The following RTL1 variants were observed in gnomAD, a reference collection of about 807,000 sequenced individuals.
RTL1 encodes the protein retrotransposon-like protein 1.
For missense variants in RTL1, 1,681 were observed against 1,767.5 expected, an observed-to-expected ratio of 0.95 and a Z score of 0.88; for synonymous variants, 727 against 748.4, an observed-to-expected ratio of 0.97 and a Z score of 0.47.
intron 2 of RTL1, among the ~76,000 whole-genome samples, chr14:100,896,535 A>G (rs1268834208): frequency 4.0e-5 from 6 of 151,714 alleles, no homozygotes; most frequent in Non-Finnish European, 8.8e-5. Context: ...TGCCTGTTTG[A>G]GGATTCCAAG....
In RTL1 at chr14:100,883,026, G is replaced by A. The variant is rs1013425200; in HGVS notation, c.1763C>T (p.Ser588Phe). The change falls in exon 4 of 4, where the codon TCT becomes TTT. Residue 588 changes from serine to phenylalanine, a missense_variant. Transcript: ENST00000649591. This position sits in a 1 kb window ranked among gnomAD's most constrained non-coding sequence, Gnocchi z 5.9. Reference protein sequence around the residue: ...QPSSDGSDDLSESEPSELQQA... With the variant: ...QPSSDGSDDLFESEPSELQQA... Reference sequence around the variant, plus strand: ...CTGAAGCTCAGAGGGCTCTGATTCAGAAAGATCATCGGATCCGTCTGAGCT... The same window carrying A: ...CTGAAGCTCAGAGGGCTCTGATTCAAAAAGATCATCGGATCCGTCTGAGCT... The A allele has an allele frequency of 6.2e-7, 1 of 1,614,166 alleles. No individual in the cohort carries two copies. The highest frequency in any genetic ancestry group is 8.5e-7 in the Non-Finnish European group (1 of 1,180,032).
Position 100,884,287 on chromosome 14 carries a change from T to A in RTL1, c.502A>T (p.Arg168Trp). The change falls in exon 4 of 4, where the codon AGG becomes TGG. Residue 168 changes from arginine (R) to tryptophan (W), a missense_variant. Arg to Trp is a moderately radical substitution (Grantham distance 101). Coordinates refer to ENST00000649591, the MANE Select transcript of RTL1 (RefSeq NM_001134888.3). ...CGGAAGTACAGCGAGATGATGGACC[T>A]CACCATGGCCATAAGTTCTGCGGTT... Reference protein sequence around the residue: ...HSTAELMAMVRSIISLYFRMQ... With the variant: ...HSTAELMAMVWSIISLYFRMQ... 1 of 1,551,814 alleles carries A rather than the reference T, an allele frequency of 6.4e-7. No homozygotes were observed. The highest frequency in any genetic ancestry group is 8.7e-7 in the Non-Finnish European group (1 of 1,146,998).
chr14:100,901,070 C>G (rs79084266), intron 2 of RTL1, among the ~76,000 whole-genome samples: 14,476 of 152,268 alleles, frequency 0.095, 830 homozygotes, highest in East Asian at 0.13. Context: ...GCTGCCCCCC[C>G]ACGGCGGGTC....
rs760248086 is a variant in RTL1, at chr14:100,883,213, G to T, written c.1576C>A (p.His526Asn). 9.9e-5 allele frequency: 154 copies of T among 1,555,348 alleles called. No homozygotes were observed. Among genetic ancestry groups the T allele is most frequent in the Non-Finnish European group, 1.3e-4 (149 of 1,148,548 alleles). The change falls in exon 4 of 4, where the codon CAC becomes AAC. Residue 526 changes from histidine (H) to asparagine (N), a missense_variant. His to Asn is a moderately conservative substitution (Grantham distance 68, BLOSUM62 1). Transcript: ENST00000649591. This position sits in a 1 kb window ranked among gnomAD's most constrained non-coding sequence, Gnocchi z 5.9. ...CAGTTCTTCAGGCAGTAGGGAGAGT[G>T]GAAGGTGCAGCGGCCTTTGATCCAG... is the stretch of plus-strand genomic sequence containing the variant. Reference protein sequence around the residue: ...VDWIKGRCTFHSPYCLKNCFR... With the variant: ...VDWIKGRCTFNSPYCLKNCFR...
rs2038589009 is a variant in RTL1, at chr14:100,880,326, T to TG, written c.*385dup. Among the ~76,000 whole-genome samples the TG allele has an allele frequency of 6.6e-6, 1 of 151,620 alleles. No individual in the cohort carries two copies. Among genetic ancestry groups the TG allele is most frequent in the Admixed American group, 6.6e-5 (1 of 15,218 alleles). ...CCAGGGTGGCCATCACCAGGCCGGG[T>TG]GGGGGGCCCCGTCACCTGCTTGCTT... On this transcript the variant is annotated 3_prime_UTR_variant, in exon 4 of 4. Coordinates refer to ENST00000649591, the MANE Select transcript of RTL1 (RefSeq NM_001134888.3).
At position 100,883,516 on chromosome 14, in the gene RTL1, C is replaced by T. The variant is rs762736146; in HGVS notation, c.1273G>A (p.Val425Ile). 2 of 1,551,476 alleles carry T rather than the reference C, an allele frequency of 1.3e-6. No homozygotes were observed. Among genetic ancestry groups the T allele is most frequent in the Middle Eastern group, 1.7e-4 (1 of 5,992 alleles). ...VRVNPYHSVA[V>I]QALVDSGADG... ...GCTCCCGAATCCACCAGGGCCTGGA[C>T]CGCGACGCTGTGGTAGGGGTTCACT... The change falls in exon 4 of 4, where the codon GTC (valine) becomes ATC (isoleucine). Residue 425 changes from valine (V) to isoleucine (I), a missense_variant. Val to Ile is a conservative substitution (Grantham distance 29). Coordinates refer to ENST00000649591, the MANE Select transcript of RTL1 (RefSeq NM_001134888.3). This position sits in a 1 kb window ranked among gnomAD's most constrained non-coding sequence, Gnocchi z 5.9.
intron 2 of RTL1, among the ~76,000 whole-genome samples, chr14:100,896,745 G>A (rs560993444): frequency 5.5e-4 from 84 of 152,134 alleles, no homozygotes; most frequent in Non-Finnish European, 9.0e-4. Flanking sequence ...GGTTAGAGTC[G>A]GGAAGAAACA....
intron 1 of RTL1, among the ~76,000 whole-genome samples, 55 bp from the exon 2 acceptor site, chr14:100,903,441 G>C (rs148998070): frequency 6.6e-6 from 1 of 152,168 alleles, no homozygotes; most frequent in Non-Finnish European, 1.5e-5. Context: ...TGATCAAGAG[G>C]GGGTGCAGGC....
chr14:100,881,149 G>T lies in RTL1; in HGVS notation c.3640C>A (p.Leu1214Met), dbSNP rs35695758. ...AGCTCCAGGTAGCGGTTCTGACGCA[G>T]GGCAGGGAGGTGGCCCTCCTGGGGG... The part of the protein sequence containing the change: ...VTPQEGHLPA[L>M]RQNRYLELHV... The change falls in exon 4 of 4, where the codon CTG (leucine) becomes ATG (methionine). Residue 1214 changes from leucine to methionine, a missense_variant. By Grantham distance (15) the Leu-to-Met change is conservative (BLOSUM62 2). Coordinates refer to ENST00000649591, the MANE Select transcript of RTL1 (RefSeq NM_001134888.3). The surrounding 1 kb of genome is among the most constrained non-coding windows in gnomAD (Gnocchi z 6.6). 6.5e-7 allele frequency: 1 copy of T among 1,549,524 alleles called. No homozygotes were observed.
Position 100,882,850 on chromosome 14 carries a change from T to C in RTL1, c.1939A>G (p.Ile647Val). ...TCAAACAGTTCCGGAATCATCTGTA[T>C]GTAGTCCTGTCTGTTGGTCAGCATG... ...QDMLTNRQDY[I>V]QMIPELFDQL... The change falls in exon 4 of 4, where the codon ATA becomes GTA. Residue 647 changes from isoleucine to valine, a missense_variant. Coordinates refer to ENST00000649591, the MANE Select transcript of RTL1 (RefSeq NM_001134888.3). 1 of 1,556,636 alleles carries C rather than the reference T, an allele frequency of 6.4e-7. No homozygotes were observed. The highest frequency in any genetic ancestry group is 8.7e-7 in the Non-Finnish European group (1 of 1,148,812).
rs1488428605 is a variant in RTL1, at chr14:100,882,153, G to T, written c.2636C>A (p.Thr879Asn). 17 of 1,550,894 alleles carry T rather than the reference G, an allele frequency of 1.1e-5. No homozygotes were observed. In the East Asian group the frequency reaches 3.9e-4, roughly 36 times the overall value. ...GTGCAGGGCCGTGCCGGTGACGCCG[G>T]TTTCCAAGTAGAATGGGTTCTGGGG... ...PKPQNPFYLE[T>N]GVTGTALHAS... Residue 879 changes from threonine to asparagine, a missense_variant, in exon 4 of 4, where the codon ACC becomes AAC. Physicochemically the swap from Thr to Asn is moderately conservative, Grantham distance 65. Coordinates refer to ENST00000649591, the MANE Select transcript of RTL1 (RefSeq NM_001134888.3).
At chr14:100,886,614 T>C (rs1160519035) in intron 3 of RTL1, among the ~76,000 whole-genome samples, 1 of 152,174 alleles carries the variant, frequency 6.6e-6, no homozygotes, top group Non-Finnish European at 1.5e-5. Flanking sequence ...ATGATGTACA[T>C]AGCACATTGC....
chr14:100,893,976 G>A lies in RTL1; in HGVS notation c.-148-471C>T, dbSNP rs1446022808. 6.6e-6 allele frequency among the ~76,000 whole-genome samples: 1 copy of A among 152,186 alleles called. No individual in the cohort carries two copies. The highest frequency in any genetic ancestry group is 1.5e-5 in the Non-Finnish European group (1 of 68,050). On this transcript the variant is annotated intron_variant, in intron 2 of 3. Transcript: ENST00000649591. The surrounding 1 kb of genome is among the most constrained non-coding windows in gnomAD (Gnocchi z 4.2). The stretch of plus-strand genomic sequence containing the variant: ...AGTTCCTGGAAGCCTCCTGCCCTTG[G>A]TGGACAACCATTTTGCTCTCTAGCA...
intron 2 of RTL1, chr14:100,898,002 A>G (rs1349229013): frequency 3.9e-6 from 2 of 511,920 alleles, no homozygotes; most frequent in Admixed American, 3.9e-5. Flanking sequence ...CCATTAGAAG[A>G]CAATAGGTCT....
chr14:100,903,347 A>G lies in RTL1; in HGVS notation c.-205T>C, dbSNP rs2038968592. On this transcript the variant is annotated 5_prime_UTR_variant, in exon 2 of 4. Coordinates refer to ENST00000649591, the MANE Select transcript of RTL1 (RefSeq NM_001134888.3). ...GGGGATGAAGTGATGCCGGTGGCTT[A>G]GTGATGCCGGTGGCTTCCTGTCCTC... Among the ~76,000 whole-genome samples the G allele has an allele frequency of 1.3e-5, 2 of 152,038 alleles. No homozygotes were observed. Among genetic ancestry groups the G allele is most frequent in the East Asian group, 1.9e-4 (1 of 5,160 alleles).
intron 3 of RTL1, among the ~76,000 whole-genome samples, chr14:100,891,543 G>T (rs1050591945): frequency 1.3e-5 from 2 of 152,214 alleles, no homozygotes; most frequent in Non-Finnish European, 2.9e-5. Flanking sequence ...GCCCAGCAGC[G>T]CTCCTGCTGC....
At chr14:100,891,282 TCTCGGA>T (rs1338343506) in intron 3 of RTL1, among the ~76,000 whole-genome samples, 4 of 152,188 alleles carry the variant, frequency 2.6e-5, no homozygotes, top group Non-Finnish European at 4.4e-5. Context: ...GGCAGCCCAG[TCTCGGA>T]CATTCCCTCT....
chr14:100,882,366 G>A lies in RTL1; in HGVS notation c.2423C>T (p.Ser808Phe). 6.4e-7 allele frequency: 1 copy of A among 1,551,724 alleles called. No homozygotes were observed. Among genetic ancestry groups the A allele is most frequent in the Non-Finnish European group, 8.7e-7 (1 of 1,146,972 alleles). The change falls in exon 4 of 4, where the codon TCT becomes TTT. Residue 808 changes from serine to phenylalanine, a missense_variant. Physicochemically the swap from Ser to Phe is radical, Grantham distance 155. Coordinates refer to ENST00000649591, the MANE Select transcript of RTL1 (RefSeq NM_001134888.3). ...GACGAATTCGATGAAGTTTCGCAGA[G>A]ATAGCTTGGAGCCAGGGGTAGGGTA... is the stretch of plus-strand genomic sequence containing the variant. ...TGYPTPGSKL[S>F]LRNFIEFVFP...
Position 100,894,307 on chromosome 14 carries a change from CT to C in RTL1, c.-148-803del, listed in dbSNP as rs1682073833. On this transcript the variant is annotated intron_variant, in intron 2 of 3. Transcript: ENST00000649591. ...CCTGGGCGACAGAGTGAAACTCCGT[CT>C]CAAAAAAAAAAAAAAAAAGAAAAAA... Among the ~76,000 whole-genome samples, 5 of 108,524 alleles carry C rather than the reference CT, an allele frequency of 4.6e-5. No individual in the cohort carries two copies. In the Admixed American group the frequency reaches 4.9e-4, roughly 11 times the overall value. 71.2% of individuals were successfully genotyped at this position (108,524 alleles called of 152,430 possible).
Sources: gnomAD v4.1 joint callset for allele counts (sites outside exome capture counted in the v4.1 genomes callset) on GRCh38, gnomAD v4.1.1 for gene constraint, Gnocchi (gnomAD v3.1) non-coding constraint, MANE v1.5 for transcripts, NCBI Gene and HGNC (gene_info 2026-07-23, HGNC 2026-07-21) for gene names.